Variants in GRID2 observed in about 807,000 individuals in gnomAD.
GRID2 encodes the protein glutamate ionotropic receptor delta type subunit 2, also known as glutamate receptor ionotropic, delta-2.
In GRID2, 33 loss-of-function variants were observed where a neutral mutation model predicts 114.8. The ratio of observed to expected loss-of-function variants is 0.29; its 90% CI spans 0.22 to 0.38. The LOEUF (loss-of-function observed/expected upper bound fraction) is 0.38, where lower values mean the gene tolerates loss of function less well. GRID2 is among the 10% of genes least tolerant of loss of function. The pLI, the probability that GRID2 is intolerant of heterozygous loss-of-function variation, is 1.00. For missense variants in GRID2, 1,184 were observed against 1,257.7 expected, an observed-to-expected ratio of 0.94 and a Z score of 0.89; for synonymous variants, 505 against 449.9, an observed-to-expected ratio of 1.12 and a Z score of -1.55.
chr4:93,212,453 C>A (rs1214960427), intron 5 of GRID2, among the ~76,000 whole-genome samples: 1 of 152,118 alleles, frequency 6.6e-6, no homozygotes, highest in African/African-American at 2.4e-5. Context: ...CTTCTCCCCG[C>A]AATCAGTGGA....
At chr4:93,110,267 A>G (rs1372808065) in intron 3 of GRID2, among the ~76,000 whole-genome samples, 2 of 152,198 alleles carry the variant, frequency 1.3e-5, no homozygotes, top group African/African-American at 2.4e-5. Context: ...TTTCTGTTTA[A>G]CTGATAAAAG....
intron 2 of GRID2, among the ~76,000 whole-genome samples, chr4:92,801,804 T>G (rs1024886021): frequency 6.6e-6 from 1 of 151,848 alleles, no homozygotes; most frequent in Non-Finnish European, 1.5e-5. Flanking sequence ...ATAATACTCA[T>G]AACAAACCCA....
intron 13 of GRID2, among the ~76,000 whole-genome samples, chr4:93,624,079 T>A (rs1271327976): frequency 6.6e-6 from 1 of 152,186 alleles, no homozygotes; most frequent in East Asian, 1.9e-4. Flanking sequence ...AATTTATTGT[T>A]AAATTTCTCT....
intron 13 of GRID2, among the ~76,000 whole-genome samples, chr4:93,538,768 G>T (rs903785436): frequency 6.6e-6 from 1 of 151,602 alleles, no homozygotes; most frequent in African/African-American, 2.4e-5. Flanking sequence ...CCTCAACACT[G>T]TCAAGGTTAT....
chr4:92,743,059 T>A (rs1226874741), intron 2 of GRID2, among the ~76,000 whole-genome samples: 2 of 152,174 alleles, frequency 1.3e-5, no homozygotes, highest in Admixed American at 1.3e-4. Context: ...GGAAGATCAC[T>A]TGAGTCCAGG....
chr4:92,663,951 T>C (rs1202870579), intron 2 of GRID2, among the ~76,000 whole-genome samples: 2 of 151,222 alleles, frequency 1.3e-5, no homozygotes, highest in Non-Finnish European at 3.0e-5. Flanking sequence ...GATTCGTCCA[T>C]GTTGTAGCAT....
At chr4:92,366,499 G>A (rs1728873013) in intron 1 of GRID2, among the ~76,000 whole-genome samples, 1 of 151,944 alleles carries the variant, frequency 6.6e-6, no homozygotes, top group African/African-American at 2.4e-5. Flanking sequence ...TATTACGTAT[G>A]GCAGGCACTC....
intron 3 of GRID2, among the ~76,000 whole-genome samples, chr4:93,109,837 A>G (rs1732599710): frequency 6.6e-6 from 1 of 152,138 alleles, no homozygotes; most frequent in African/African-American, 2.4e-5. Flanking sequence ...GCAATCTGAT[A>G]CTAAGAAGAA....
intron 14 of GRID2, among the ~76,000 whole-genome samples, chr4:93,687,285 G>A (rs1483770389): frequency 6.6e-6 from 1 of 152,000 alleles, no homozygotes; most frequent in Non-Finnish European, 1.5e-5. Context: ...GGGGGTGGAA[G>A]GGAAATTATT....
At chr4:93,231,014 A>C (rs1746067240) in intron 7 of GRID2, among the ~76,000 whole-genome samples, 1 of 152,096 alleles carries the variant, frequency 6.6e-6, no homozygotes, top group African/African-American at 2.4e-5. Flanking sequence ...ATAATCAATA[A>C]ATTTGAGCTG....
intron 1 of GRID2, among the ~76,000 whole-genome samples, chr4:92,477,575 A>G (rs1265034988): frequency 8.6e-5 from 13 of 151,772 alleles, no homozygotes; most frequent in Admixed American, 6.6e-4. Context: ...CCTCTAGGGC[A>G]TATGAGCACA....
At chr4:93,531,343 A>G (rs1391117823) in intron 13 of GRID2, among the ~76,000 whole-genome samples, 1 of 152,066 alleles carries the variant, frequency 6.6e-6, no homozygotes, top group African/African-American at 2.4e-5. Flanking sequence ...CCTAGTCTTT[A>G]TTTGAAATTT....
intron 4 of GRID2, among the ~76,000 whole-genome samples, chr4:93,182,721 C>T (rs1369898065): frequency 6.6e-6 from 1 of 152,200 alleles, no homozygotes; most frequent in Non-Finnish European, 1.5e-5. Context: ...CCAGACATCA[C>T]CGTCCTTATA....
chr4:92,547,845 T>A (rs1403152184), intron 1 of GRID2, among the ~76,000 whole-genome samples: 1 of 152,108 alleles, frequency 6.6e-6, no homozygotes, highest in African/African-American at 2.4e-5. Flanking sequence ...TAATTCTAGG[T>A]TCTACAAAAA....
chr4:92,385,898 GTGTA>G (rs774609131), intron 1 of GRID2, among the ~76,000 whole-genome samples: 29,232 of 89,816 alleles, frequency 0.33, 2,888 homozygotes, highest in East Asian at 0.43. Context: ...GTGTGTGTGT[GTGTA>G]TATATATATA....
chr4:93,249,678 G>C (rs1338025323), intron 8 of GRID2, among the ~76,000 whole-genome samples: 1 of 151,970 alleles, frequency 6.6e-6, no homozygotes, highest in Non-Finnish European at 1.5e-5. Context: ...ATCAAAAAGT[G>C]GGCAAAGGAT....
chr4:92,482,750 T>G (rs1014205066), intron 1 of GRID2, among the ~76,000 whole-genome samples: 2 of 152,172 alleles, frequency 1.3e-5, no homozygotes, highest in Non-Finnish European at 2.9e-5. Context: ...TAGAGACGCA[T>G]AACTTAAAAA....
At chr4:93,798,720 C>A (rs902208254) in intron 1 of GRID2, among the ~76,000 whole-genome samples, 2 of 152,260 alleles carry the variant, frequency 1.3e-5, no homozygotes, top group East Asian at 1.9e-4. Context: ...TGATTTAAAG[C>A]AGTTCTATGC....
At chr4:92,373,794 C>T (rs1729227865) in intron 1 of GRID2, among the ~76,000 whole-genome samples, 2 of 152,020 alleles carry the variant, frequency 1.3e-5, no homozygotes. Context: ...GCTTGTCACC[C>T]TAATATGCAC....
Sources: allele counts gnomAD v4.1 joint callset (sites outside exome capture counted in the v4.1 genomes callset), GRCh38; gene constraint gnomAD v4.1.1; transcripts MANE v1.5; gene names NCBI Gene and HGNC (gene_info 2026-07-23, HGNC 2026-07-21).